Variants in HS3ST5 observed in about 807,000 individuals in gnomAD.
HS3ST5 encodes heparan sulfate-glucosamine 3-sulfotransferase 5.
A neutral mutation model predicts 25.4 loss-of-function variants in HS3ST5; 10 were observed. The ratio of observed to expected loss-of-function variants is 0.39; its 90% CI spans 0.24 to 0.67. The LOEUF is 0.67. Ranked by LOEUF, HS3ST5 falls within the 30% of genes least tolerant of loss-of-function variation. HS3ST5 has a pLI of 0.44. For missense variants in HS3ST5, 324 were observed against 420.7 expected, an observed-to-expected ratio of 0.77 and a Z score of 2.01; for synonymous variants, 170 against 162.4, an observed-to-expected ratio of 1.05 and a Z score of -0.36.
At chr6:114,203,175 C>T (rs1330128270) in intron 2 of HS3ST5, among the ~76,000 whole-genome samples, 1 of 152,222 alleles carries the variant, frequency 6.6e-6, no homozygotes, top group African/African-American at 2.4e-5. Flanking sequence ...CCTCTGAAGG[C>T]TTGCTGAACT....
intron 2 of HS3ST5, among the ~76,000 whole-genome samples, chr6:114,197,840 A>G (rs1010017566): frequency 1.3e-5 from 2 of 152,214 alleles, no homozygotes; most frequent in Non-Finnish European, 2.9e-5. Context: ...GCTCCCTTAG[A>G]TGAGAAAAAA....
chr6:114,123,590 A>G (rs113570290), intron 3 of HS3ST5, among the ~76,000 whole-genome samples: 10 of 152,258 alleles, frequency 6.6e-5, no homozygotes, highest in African/African-American at 2.2e-4. Flanking sequence ...CTCCTTTCCA[A>G]TCAAGTCACT....
At chr6:114,298,205 A>C (rs1181559065) in intron 1 of HS3ST5, among the ~76,000 whole-genome samples, 2 of 152,230 alleles carry the variant, frequency 1.3e-5, no homozygotes, top group Non-Finnish European at 2.9e-5. Flanking sequence ...AGTAAAATAG[A>C]AATATATAAA....
At chr6:114,304,473 A>G (rs984490970) in intron 1 of HS3ST5, among the ~76,000 whole-genome samples, 89 of 152,092 alleles carry the variant, frequency 5.9e-4, no homozygotes, top group African/African-American at 2.1e-3. Context: ...CCTCTATACA[A>G]TACATTTATG....
intron 1 of HS3ST5, among the ~76,000 whole-genome samples, chr6:114,256,216 G>A (rs9384896): frequency 0.046 from 7,032 of 151,892 alleles, 181 homozygotes; most frequent in Middle Eastern, 0.075. Context: ...GTGAAACCTC[G>A]TCTCTACTAA....
chr6:114,205,398 G>T (rs558345304), intron 2 of HS3ST5, among the ~76,000 whole-genome samples: 14 of 152,266 alleles, frequency 9.2e-5, no homozygotes, highest in African/African-American at 3.4e-4. Context: ...GAGAGGCATA[G>T]GGGAAGATAT....
intron 1 of HS3ST5, among the ~76,000 whole-genome samples, chr6:114,340,898 T>C (rs2114947155): frequency 6.6e-6 from 1 of 152,200 alleles, no homozygotes; most frequent in South Asian, 2.1e-4. Context: ...ACCAGCTGTT[T>C]ATTACTTCTA....
intron 1 of HS3ST5, among the ~76,000 whole-genome samples, chr6:114,307,585 A>C (rs954998291): frequency 1.3e-5 from 2 of 152,100 alleles, no homozygotes; most frequent in Admixed American, 6.6e-5. Context: ...AGTGTGTATA[A>C]AGTAATGCAT....
chr6:114,134,211 T>A (rs1238281414), intron 3 of HS3ST5, among the ~76,000 whole-genome samples: 1 of 152,118 alleles, frequency 6.6e-6, no homozygotes, highest in Non-Finnish European at 1.5e-5. Context: ...TGCCAGGCAC[T>A]ATGTGAGGGG....
intron 2 of HS3ST5, among the ~76,000 whole-genome samples, chr6:114,216,409 T>C (rs1157215012): frequency 6.6e-6 from 1 of 152,140 alleles, no homozygotes; most frequent in Non-Finnish European, 1.5e-5. Flanking sequence ...TACTCTGTGG[T>C]CCCAAAATAG....
chr6:114,107,870 C>T (rs1776069785), intron 3 of HS3ST5, among the ~76,000 whole-genome samples: 1 of 152,164 alleles, frequency 6.6e-6, no homozygotes, highest in African/African-American at 2.4e-5. Flanking sequence ...AGCAGTATAA[C>T]TTGTTTATGG....
intron 1 of HS3ST5, among the ~76,000 whole-genome samples, chr6:114,265,023 G>A (rs1158106150): frequency 1.3e-5 from 2 of 152,054 alleles, no homozygotes; most frequent in Non-Finnish European, 2.9e-5. Flanking sequence ...GGGACTACAG[G>A]TGCATGCCAC....
At chr6:114,272,612 T>G (rs1260917954) in intron 1 of HS3ST5, among the ~76,000 whole-genome samples, 1 of 152,126 alleles carries the variant, frequency 6.6e-6, no homozygotes, top group East Asian at 1.9e-4. Context: ...ACATAGTCAC[T>G]TACTGCTAAG....
intron 4 of HS3ST5, among the ~76,000 whole-genome samples, chr6:114,060,442 T>A (rs925028934): frequency 6.6e-6 from 1 of 152,238 alleles, no homozygotes; most frequent in South Asian, 2.1e-4. Context: ...TATCAATAGA[T>A]ACATAGGCAA....
chr6:114,082,446 A>G (rs984637439), intron 3 of HS3ST5, among the ~76,000 whole-genome samples: 1 of 152,220 alleles, frequency 6.6e-6, no homozygotes, highest in African/African-American at 2.4e-5. Flanking sequence ...TCCAAAATAT[A>G]TAAGACACAA....
Position 114,221,388 on chromosome 6 carries a change from T to A in HS3ST5, c.-145+7197A>T, listed in dbSNP as rs377014765. 7.8e-4 allele frequency among the ~76,000 whole-genome samples: 119 copies of A among 152,048 alleles called. 1 individual carries two copies. Among genetic ancestry groups the A allele is most frequent in the Middle Eastern group, 3.4e-3 (1 of 294 alleles). On this transcript the variant is annotated intron_variant, in intron 2 of 4. Coordinates refer to ENST00000312719, the MANE Select transcript of HS3ST5 (RefSeq NM_153612.4). Reference sequence around the variant, plus strand: ...AGTTCAGTCCTCATTTTTCTGATAATCAAGTAACAATTTTATCTAATGGTT... The same window carrying A: ...AGTTCAGTCCTCATTTTTCTGATAAACAAGTAACAATTTTATCTAATGGTT...
intron 1 of HS3ST5, among the ~76,000 whole-genome samples, chr6:114,267,335 T>C (rs1037364021): frequency 6.6e-6 from 1 of 152,164 alleles, no homozygotes; most frequent in African/African-American, 2.4e-5. Context: ...GTGGGGTTGT[T>C]TGTAACTTGC....
intron 1 of HS3ST5, among the ~76,000 whole-genome samples, chr6:114,320,914 CTA>C (rs35362794): frequency 0.37 from 49,302 of 135,018 alleles, 8,589 homozygotes; most frequent in African/African-American, 0.42. Context: ...CTCTCTCTCT[CTA>C]TATATATATA....
intron 2 of HS3ST5, among the ~76,000 whole-genome samples, chr6:114,226,654 G>A (rs1357864273): frequency 6.6e-6 from 1 of 151,884 alleles, no homozygotes; most frequent in Non-Finnish European, 1.5e-5. Flanking sequence ...AAAACTTTAT[G>A]TTTCTATGAT....
Sources: gnomAD v4.1 joint callset for allele counts (sites outside exome capture counted in the v4.1 genomes callset) on GRCh38, gnomAD v4.1.1 for gene constraint, MANE v1.5 for transcripts, NCBI Gene and HGNC (gene_info 2026-07-23, HGNC 2026-07-21) for gene names.